Variants in TTC28 observed in about 807,000 individuals in gnomAD.
The protein encoded by TTC28 is tetratricopeptide repeat protein 28.
Under a neutral mutation model 198.0 loss-of-function variants are expected in TTC28, and 61 were observed. That is an observed-to-expected ratio of 0.31 (90% confidence interval 0.25 to 0.38). The LOEUF (loss-of-function observed/expected upper bound fraction) is 0.38, where lower values mean the gene tolerates loss of function less well. Ranked by LOEUF, TTC28 falls within the 10% of genes least tolerant of loss-of-function variation. The pLI is 1.00. For missense variants in TTC28, 2,678 were observed against 3,164.0 expected, an observed-to-expected ratio of 0.85 and a Z score of 3.69; for synonymous variants, 1,171 against 1,297.8, an observed-to-expected ratio of 0.90 and a Z score of 2.10.
At chr22:28,461,736 G>A (rs1048696354) in intron 2 of TTC28, among the ~76,000 whole-genome samples, 2 of 152,098 alleles carry the variant, frequency 1.3e-5, no homozygotes, top group South Asian at 2.1e-4. Flanking sequence ...GCCTTCCTAA[G>A]TTTTTTGTTC....
At chr22:28,318,384 G>A (rs1381478585) in intron 2 of TTC28, among the ~76,000 whole-genome samples, 1 of 152,168 alleles carries the variant, frequency 6.6e-6, no homozygotes, top group South Asian at 2.1e-4. Context: ...CACCCAGTAA[G>A]TGCATCCTGA....
chr22:28,377,493 G>A (rs978662306), intron 2 of TTC28, among the ~76,000 whole-genome samples: 2 of 152,000 alleles, frequency 1.3e-5, no homozygotes, highest in Non-Finnish European at 2.9e-5. Flanking sequence ...GAGAAGAGAA[G>A]TAATAAACTC....
At chr22:28,101,959 G>T (rs1006835611) in intron 8 of TTC28, among the ~76,000 whole-genome samples, 1 of 152,156 alleles carries the variant, frequency 6.6e-6, no homozygotes, top group Non-Finnish European at 1.5e-5. Context: ...ATGGCTATCA[G>T]CAGGAGACAG....
In TTC28 at chr22:27,983,235, G is replaced by A. The variant is rs1410782072; in HGVS notation, c.6432C>T (p.Asp2144=). ...TTTCTTCTTGGGATTTCACGGTACTGTCCGTTTCTGTGCTAGACTGGTCTG... is the reference window on the plus strand; with the variant it reads ...TTTCTTCTTGGGATTTCACGGTACTATCCGTTTCTGTGCTAGACTGGTCTG... ...GESDQSSTET[D]STVKSQEESN... is the part of the protein sequence containing the mutation. Residue 2144 remains aspartate, a synonymous_variant, in exon 23 of 23, where the codon GAC becomes GAT. Coordinates refer to ENST00000397906, the MANE Select transcript of TTC28 (RefSeq NM_001145418.2). 1.9e-6 allele frequency: 3 copies of A among 1,551,914 alleles called. No individual in the cohort carries two copies. The Admixed American group carries it at 5.9e-5, about 30-fold the overall frequency.
At chr22:28,610,054 C>A (rs889166245) in intron 2 of TTC28, among the ~76,000 whole-genome samples, 2 of 151,970 alleles carry the variant, frequency 1.3e-5, no homozygotes, top group African/African-American at 4.8e-5. Context: ...CCTCTCTGGG[C>A]GGGGCATCTC....
chr22:28,611,111 A>G (rs2146149406), intron 2 of TTC28, among the ~76,000 whole-genome samples: 2 of 152,204 alleles, frequency 1.3e-5, no homozygotes, highest in East Asian at 3.9e-4. Flanking sequence ...TGTACCTGAA[A>G]GTGATGAGGA....
chr22:28,071,903 A>G (rs1276885423), intron 12 of TTC28, among the ~76,000 whole-genome samples: 1 of 152,194 alleles, frequency 6.6e-6, no homozygotes, highest in Non-Finnish European at 1.5e-5. Context: ...GCCTATCAAA[A>G]GCTAGGAAAG....
At chr22:28,463,858 T>A (rs985490489) in intron 2 of TTC28, among the ~76,000 whole-genome samples, 2 of 152,106 alleles carry the variant, frequency 1.3e-5, no homozygotes, top group African/African-American at 4.8e-5. Context: ...CATGTATACA[T>A]ATGTAACAAA....
At chr22:28,407,469 T>TGCGC (rs575400782) in intron 2 of TTC28, among the ~76,000 whole-genome samples, 89 of 140,024 alleles carry the variant, frequency 6.4e-4, no homozygotes, top group African/African-American at 2.4e-3. Flanking sequence ...CACACATGCG[T>TGCGC]GCGCACACAC....
At chr22:28,337,126 C>T (rs1385153605) in intron 2 of TTC28, among the ~76,000 whole-genome samples, 1 of 152,136 alleles carries the variant, frequency 6.6e-6, no homozygotes, top group Non-Finnish European at 1.5e-5. Context: ...GCAGGTTGTT[C>T]AGTTTCCATG....
At chr22:28,519,825 T>C (rs2048864466) in intron 2 of TTC28, among the ~76,000 whole-genome samples, 1 of 152,228 alleles carries the variant, frequency 6.6e-6, no homozygotes, top group South Asian at 2.1e-4. Flanking sequence ...GTCACAGCAT[T>C]GGTCTCTAGT....
chr22:28,049,879 T>C (rs1940018762), intron 12 of TTC28, among the ~76,000 whole-genome samples: 1 of 151,980 alleles, frequency 6.6e-6, no homozygotes, highest in Non-Finnish European at 1.5e-5. Flanking sequence ...TTCTATCAGG[T>C]GAGTATCTCT....
intron 2 of TTC28, among the ~76,000 whole-genome samples, chr22:28,524,103 T>C (rs565873377): frequency 6.6e-6 from 1 of 152,340 alleles, no homozygotes; most frequent in Admixed American, 6.5e-5. Context: ...TTTACTTCTA[T>C]TAAAAACTAT....
intron 2 of TTC28, among the ~76,000 whole-genome samples, chr22:28,426,918 C>T (rs949166436): frequency 1.3e-5 from 2 of 152,178 alleles, no homozygotes; most frequent in African/African-American, 4.8e-5. Flanking sequence ...TTTCATACCA[C>T]CTCAAACTTA....
In TTC28 at chr22:27,982,468, C is replaced by T. The variant is rs1937056043; in HGVS notation, c.7199G>A (p.Arg2400Gln). The T allele has an allele frequency of 1.9e-6, 3 of 1,551,476 alleles. No homozygotes were observed. Among genetic ancestry groups the T allele is most frequent in the Non-Finnish European group, 2.6e-6 (3 of 1,146,958 alleles). The change falls in exon 23 of 23, where the codon CGG (arginine) becomes CAG (glutamine). Residue 2400 changes from arginine (R) to glutamine (Q), a missense_variant. Around this residue, in one of 8 missense-constraint regions of TTC28, gnomAD observed 622 missense variants for 656.0 expected, o/e 0.95. Coordinates refer to ENST00000397906, the MANE Select transcript of TTC28 (RefSeq NM_001145418.2). This position sits in a 1 kb window ranked among gnomAD's most constrained non-coding sequence, Gnocchi z 5.2. The part of the protein sequence containing the change: ...DVLSLLNLSP[R>Q]HNKKEEGVDK... Reference sequence around the variant, plus strand: ...CACTCCCTCCTCCTTCTTATTGTGCCGTGGTGACAAATTCAACAGACTGAG... The same window carrying T: ...CACTCCCTCCTCCTTCTTATTGTGCTGTGGTGACAAATTCAACAGACTGAG...
intron 5 of TTC28, among the ~76,000 whole-genome samples, chr22:28,282,777 T>TGAAGA (rs2044609567): frequency 6.6e-6 from 1 of 152,134 alleles, no homozygotes; most frequent in African/African-American, 2.4e-5. Flanking sequence ...CAAAATGTTA[T>TGAAGA]GACTGAAAGA....
intron 2 of TTC28, among the ~76,000 whole-genome samples, chr22:28,520,283 A>G (rs1021886571): frequency 6.6e-6 from 1 of 152,254 alleles, no homozygotes; most frequent in Non-Finnish European, 1.5e-5. Flanking sequence ...GAAGTGCTTT[A>G]TAAGTCTGTA....
chr22:28,421,970 T>C (rs995314999), intron 2 of TTC28, among the ~76,000 whole-genome samples: 1 of 150,016 alleles, frequency 6.7e-6, no homozygotes, highest in African/African-American at 2.5e-5. Flanking sequence ...GATAAATACC[T>C]AGTCAGGAAA....
intron 12 of TTC28, among the ~76,000 whole-genome samples, chr22:28,071,248 C>G (rs1489731143): frequency 1.3e-5 from 2 of 152,026 alleles, no homozygotes; most frequent in Non-Finnish European, 1.5e-5. Flanking sequence ...ACCCAAATGA[C>G]TATAAATCAT....
Sources: allele counts gnomAD v4.1 joint callset (sites outside exome capture counted in the v4.1 genomes callset), GRCh38; gene constraint gnomAD v4.1.1; regional missense constraint gnomAD v4.1.1; non-coding constraint Gnocchi (gnomAD v3.1); transcripts MANE v1.5; gene names NCBI Gene and HGNC (gene_info 2026-07-23, HGNC 2026-07-21).